ADK: variants seen among roughly 807,000 people sequenced by gnomAD.
ADK encodes adenosine kinase.
A neutral mutation model predicts 44.7 loss-of-function variants in ADK; 24 were observed. That is an observed-to-expected ratio of 0.54 (90% confidence interval 0.39 to 0.76). ADK has a LOEUF of 0.76. Ranked by LOEUF, ADK falls within the 30% of genes least tolerant of loss-of-function variation. The pLI is 0.00. For missense variants in ADK, 321 were observed against 425.1 expected (o/e 0.76, Z 2.15); for synonymous variants, 128 against 142.6 (o/e 0.90, Z 0.73).
At chr10:74,529,227 A>G (rs143089441) in intron 7 of ADK, 8 of 152,340 alleles carry the variant, frequency 5.3e-5, no homozygotes, top group South Asian at 2.1e-4. Flanking sequence ...TGGAAATACT[A>G]TGTTAAGTAA....
At chr10:74,442,111 G>C (rs927604921) in intron 6 of ADK, among the ~76,000 whole-genome samples, 2 of 151,576 alleles carry the variant, frequency 1.3e-5, no homozygotes, top group Non-Finnish European at 2.9e-5. Context: ...AACATAGGAA[G>C]ACCCTATCTC....
intron 6 of ADK, among the ~76,000 whole-genome samples, chr10:74,444,524 C>T (rs1195149915): frequency 6.6e-6 from 1 of 151,972 alleles, no homozygotes; most frequent in African/African-American, 2.4e-5. Flanking sequence ...TAGAGTATTT[C>T]GAAGTGTTTA....
At chr10:74,453,410 C>A (rs1267001263) in intron 6 of ADK, among the ~76,000 whole-genome samples, 1 of 152,038 alleles carries the variant, frequency 6.6e-6, no homozygotes, top group Non-Finnish European at 1.5e-5. Context: ...AGATAATTTG[C>A]AGCCATGTGA....
chr10:74,153,029 C>T (rs1841653916), intron 1 of ADK, among the ~76,000 whole-genome samples: 2 of 147,946 alleles, frequency 1.4e-5, no homozygotes, highest in African/African-American at 5.2e-5. Flanking sequence ...TGTGATAATG[C>T]ATTGAGTATT....
chr10:74,652,259 G>C (rs1332631366), intron 9 of ADK, among the ~76,000 whole-genome samples: 1 of 151,198 alleles, frequency 6.6e-6, no homozygotes, highest in African/African-American at 2.4e-5. Context: ...GGCCAGGCTG[G>C]TCTCGAACTC....
At chr10:74,209,296 C>T (rs1454996902) in intron 2 of ADK, among the ~76,000 whole-genome samples, 1 of 152,084 alleles carries the variant, frequency 6.6e-6, no homozygotes, top group Admixed American at 6.5e-5. Context: ...CAACAAGGTT[C>T]CATGTTAGAA....
chr10:74,617,214 A>G (rs183435044), intron 9 of ADK, among the ~76,000 whole-genome samples: 1 of 152,324 alleles, frequency 6.6e-6, no homozygotes, highest in Admixed American at 6.5e-5. Flanking sequence ...ATACAAGTAA[A>G]TTGAAATGGT....
At chr10:74,697,080 A>G (rs759376663) in intron 10 of ADK, among the ~76,000 whole-genome samples, 14 of 152,184 alleles carry the variant, frequency 9.2e-5, no homozygotes, top group Non-Finnish European at 1.5e-4. Context: ...ATTTCCAAAA[A>G]CTTTAAAATG....
At chr10:74,708,053 A>C (rs1048352191) in intron 10 of ADK, among the ~76,000 whole-genome samples, 1 of 149,806 alleles carries the variant, frequency 6.7e-6, no homozygotes, top group Non-Finnish European at 1.5e-5. Context: ...CAGGAGGCTG[A>C]GGCAGGAGAA....
intron 3 of ADK, among the ~76,000 whole-genome samples, chr10:74,248,161 A>G (rs908212784): frequency 6.6e-6 from 1 of 152,158 alleles, no homozygotes; most frequent in Admixed American, 6.5e-5. Context: ...TTCGTGTAGA[A>G]GACATGGACT....
intron 1 of ADK, among the ~76,000 whole-genome samples, chr10:74,180,232 ATT>A (rs1842488046): frequency 7.0e-6 from 1 of 142,028 alleles, no homozygotes; most frequent in South Asian, 2.2e-4. Flanking sequence ...TATTATTATT[ATT>A]GTTATTATTA....
At chr10:74,290,608 G>GA (rs375648798) in intron 3 of ADK, among the ~76,000 whole-genome samples, 1,844 of 146,248 alleles carry the variant, frequency 0.013, 3 homozygotes, top group African/African-American at 0.015. Flanking sequence ...TAAAGAATGA[G>GA]AAAAAAAAAA....
rs548523176 is a variant in ADK, at chr10:74,377,169, T to TTAA, written c.274-16971_274-16970insAAT. Among the ~76,000 whole-genome samples, 12 of 152,306 alleles carry TTAA rather than the reference T, an allele frequency of 7.9e-5. No individual in the cohort carries two copies. The South Asian group carries it at 2.5e-3, about 32-fold the overall frequency. ...TCTGAGAAGATTTTTAAAGCATGTG[T>TTAA]TTTAGTAACTGGACATCTGACCAAA... On this transcript the variant is annotated intron_variant, in intron 4 of 10. Transcript: ENST00000539909.
At chr10:74,309,703 T>C (rs551280569) in intron 3 of ADK, among the ~76,000 whole-genome samples, 1 of 139,512 alleles carries the variant, frequency 7.2e-6, no homozygotes, top group African/African-American at 2.7e-5. Context: ...ACCATCACTC[T>C]TGAAAAGAAA....
intron 6 of ADK, among the ~76,000 whole-genome samples, chr10:74,487,142 AC>A (rs1206754945): frequency 2.6e-5 from 4 of 152,078 alleles, no homozygotes; most frequent in Non-Finnish European, 5.9e-5. Flanking sequence ...CTCCAAAATC[AC>A]TAATTTTTAA....
At chr10:74,284,316 G>A (rs1847070126) in intron 3 of ADK, among the ~76,000 whole-genome samples, 1 of 143,282 alleles carries the variant, frequency 7.0e-6, no homozygotes, top group Non-Finnish European at 1.5e-5. Flanking sequence ...TGCCTAGGCT[G>A]TGCAATGGCA....
At chr10:74,699,941 A>G (rs1856355003) in intron 10 of ADK, among the ~76,000 whole-genome samples, 1 of 152,186 alleles carries the variant, frequency 6.6e-6, no homozygotes, top group Non-Finnish European at 1.5e-5. Flanking sequence ...GTAGAAATAG[A>G]AAATCCTTAA....
At chr10:74,638,819 T>G (rs1273303704) in intron 9 of ADK, among the ~76,000 whole-genome samples, 2 of 152,164 alleles carry the variant, frequency 1.3e-5, no homozygotes, top group Non-Finnish European at 2.9e-5. Context: ...TTGTTTGTTT[T>G]TTTGAGACAG....
chr10:74,302,101 G>GTTTTTTTTTTTTTTTTTTTTTTTTTTT (rs1564642239), intron 3 of ADK, among the ~76,000 whole-genome samples: 4 of 11,706 alleles, frequency 3.4e-4, no homozygotes, highest in Admixed American at 9.8e-4. Flanking sequence ...TTTTTTTTTT[G>GTTTTTTTTTTTTTTTTTTTTTTTTTTT]TTTGTTTGTT....
Sources: gnomAD v4.1 joint callset for allele counts (sites outside exome capture counted in the v4.1 genomes callset) on GRCh38, gnomAD v4.1.1 for gene constraint, MANE v1.5 for transcripts, NCBI Gene and HGNC (gene_info 2026-07-23, HGNC 2026-07-21) for gene names.